Variants in FOXN3 observed in about 807,000 individuals in gnomAD.
The protein encoded by FOXN3 is forkhead box N3.
Under a neutral mutation model 38.4 loss-of-function variants are expected in FOXN3, and 7 were observed. That is an observed-to-expected ratio of 0.18 (90% confidence interval 0.10 to 0.34). The LOEUF (loss-of-function observed/expected upper bound fraction) is 0.34. Among genes scored for constraint, FOXN3 ranks in the 10% least tolerant of loss-of-function variants. The pLI is 1.00. For synonymous variants in FOXN3, 230 were observed against 242.2 expected (o/e 0.95, Z 0.47); for missense variants, 456 against 613.4 (o/e 0.74, Z 2.71).
chr14:89,590,346 A>G (rs545831160), intron 1 of FOXN3, among the ~76,000 whole-genome samples: 1 of 152,272 alleles, frequency 6.6e-6, no homozygotes, highest in East Asian at 1.9e-4. Context: ...CAGATGAGAA[A>G]GATGGAGTAA....
intron 4 of FOXN3, among the ~76,000 whole-genome samples, chr14:89,268,322 C>G (rs1886045461): frequency 6.6e-6 from 1 of 152,162 alleles, no homozygotes; most frequent in Non-Finnish European, 1.5e-5. Context: ...GAAAACTCTC[C>G]AAGCTCACCT....
chr14:89,433,165 C>T (rs1892198042), intron 1 of FOXN3, among the ~76,000 whole-genome samples: 1 of 152,098 alleles, frequency 6.6e-6, no homozygotes, highest in Admixed American at 6.5e-5. Context: ...GCCTGGCCAA[C>T]ATGGCGAAAC....
intron 2 of FOXN3, among the ~76,000 whole-genome samples, chr14:89,365,281 G>A (rs1230747323): frequency 6.6e-6 from 1 of 152,128 alleles, no homozygotes; most frequent in Non-Finnish European, 1.5e-5. Context: ...ATTTGTTTGG[G>A]TTGAAAATAG....
intron 1 of FOXN3, among the ~76,000 whole-genome samples, chr14:89,463,275 A>G (rs1372807169): frequency 6.7e-6 from 1 of 149,892 alleles, no homozygotes; most frequent in African/African-American, 2.4e-5. Flanking sequence ...CTCTGTCTCA[A>G]AAAAAAAAGC....
At chr14:89,393,649 C>G (rs764707886) in intron 2 of FOXN3, among the ~76,000 whole-genome samples, 1 of 152,226 alleles carries the variant, frequency 6.6e-6, no homozygotes, top group Non-Finnish European at 1.5e-5. Flanking sequence ...GCACGCCACA[C>G]ACTTCACACA....
chr14:89,474,850 C>T (rs1477886313), intron 1 of FOXN3, among the ~76,000 whole-genome samples: 1 of 152,050 alleles, frequency 6.6e-6, no homozygotes, highest in African/African-American at 2.4e-5. Context: ...CCGTCTTGCT[C>T]TATCACCCAG....
chr14:89,319,747 T>C (rs1162546644), intron 3 of FOXN3, among the ~76,000 whole-genome samples: 1 of 152,208 alleles, frequency 6.6e-6, no homozygotes, highest in Non-Finnish European at 1.5e-5. Context: ...CTCCATTTTA[T>C]ACATGGGATG....
At chr14:89,564,268 T>C (rs1333546571) in intron 1 of FOXN3, among the ~76,000 whole-genome samples, 1 of 152,148 alleles carries the variant, frequency 6.6e-6, no homozygotes, top group Admixed American at 6.5e-5. Flanking sequence ...ATTATAATTA[T>C]AGAATATATA....
At chr14:89,471,481 T>C (rs1893093630) in intron 1 of FOXN3, among the ~76,000 whole-genome samples, 1 of 152,048 alleles carries the variant, frequency 6.6e-6, no homozygotes, top group South Asian at 2.1e-4. Context: ...GGCACACACC[T>C]GTAGGAGTGG....
chr14:89,568,104 C>A (rs1330285567), intron 1 of FOXN3, among the ~76,000 whole-genome samples: 1 of 152,064 alleles, frequency 6.6e-6, no homozygotes, highest in South Asian at 2.1e-4. Context: ...GCTGCCCCCC[C>A]AAATTTCTCC....
intron 3 of FOXN3, among the ~76,000 whole-genome samples, chr14:89,327,528 AT>A (rs1336374911): frequency 6.6e-6 from 1 of 152,190 alleles, no homozygotes; most frequent in Non-Finnish European, 1.5e-5. Context: ...CAGAAGGATA[AT>A]GGTAAAAGGC....
At chr14:89,317,267 C>T (rs1297101212) in intron 3 of FOXN3, among the ~76,000 whole-genome samples, 4 of 152,226 alleles carry the variant, frequency 2.6e-5, no homozygotes, top group Non-Finnish European at 4.4e-5. Context: ...TCAACAGCAG[C>T]TCACTCAAGG....
chr14:89,289,288 T>A (rs186359551), intron 3 of FOXN3, among the ~76,000 whole-genome samples: 60 of 152,096 alleles, frequency 3.9e-4, no homozygotes, highest in African/African-American at 1.4e-3. Context: ...TTCCTTAGGC[T>A]TTAGGAGAAG....
In FOXN3 at chr14:89,382,247, C is replaced by T. The variant is rs1353034392; in HGVS notation, c.543+29687G>A. Among the ~76,000 whole-genome samples the T allele has an allele frequency of 2.0e-5, 3 of 152,158 alleles. No individual in the cohort carries two copies. In the East Asian group the frequency reaches 5.8e-4, roughly 29 times the overall value. Reference sequence around the variant, plus strand: ...GTGTCACCAAGTGTACACCTTGCTGCCAACCTAATTCCATCCTTCATTATA... The same window carrying T: ...GTGTCACCAAGTGTACACCTTGCTGTCAACCTAATTCCATCCTTCATTATA... On this transcript the variant is annotated intron_variant, in intron 2 of 5. Transcript: ENST00000557258.
intron 4 of FOXN3, among the ~76,000 whole-genome samples, chr14:89,204,493 C>G (rs1323747406): frequency 6.6e-6 from 1 of 152,144 alleles, no homozygotes; most frequent in Non-Finnish European, 1.5e-5. Flanking sequence ...AATAGAAAAG[C>G]CAATCAAATG....
intron 1 of FOXN3, among the ~76,000 whole-genome samples, chr14:89,501,160 T>C (rs562907121): frequency 3.9e-5 from 6 of 152,342 alleles, no homozygotes; most frequent in East Asian, 1.9e-4. Flanking sequence ...TGTTCAACTG[T>C]ACACATGTAT....
intron 3 of FOXN3, among the ~76,000 whole-genome samples, chr14:89,297,083 CA>C (rs1242664665): frequency 8.5e-5 from 13 of 152,180 alleles, no homozygotes; most frequent in Non-Finnish European, 1.5e-4. Flanking sequence ...ACTTTTCAAA[CA>C]TAAGTGGAAT....
intron 4 of FOXN3, among the ~76,000 whole-genome samples, chr14:89,253,015 A>T (rs746278435): frequency 1.3e-5 from 2 of 152,182 alleles, no homozygotes; most frequent in Non-Finnish European, 2.9e-5. Flanking sequence ...TGTCAAGGAC[A>T]CTAAGTGTCT....
In FOXN3 at chr14:89,158,712, T is replaced by C. The variant is rs930269425; in HGVS notation, c.*3702A>G. On this transcript the variant is annotated 3_prime_UTR_variant, in exon 6 of 6. Transcript: ENST00000557258. ...ATAATAGGATAAAAATAACTGTTTA[T>C]ATGTATATCATTTAAGAAAAAAAAG... 5.9e-5 allele frequency: 9 copies of C among 152,638 alleles called. No individual in the cohort carries two copies. Among genetic ancestry groups the C allele is most frequent in the East Asian group, 1.9e-4 (1 of 5,200 alleles). The allele number at this position is 152,638 out of a possible 1,614,324, so 9.5% of individuals were successfully genotyped here. A position where few individuals can be genotyped will look rare whatever the true frequency, so the allele number is the denominator to read the frequency against.
Sources: gnomAD v4.1 joint callset for allele counts (sites outside exome capture counted in the v4.1 genomes callset) on GRCh38, gnomAD v4.1.1 for gene constraint, MANE v1.5 for transcripts, NCBI Gene and HGNC (gene_info 2026-07-23, HGNC 2026-07-21) for gene names.